Variants in DNAAF8 observed in about 807,000 individuals in gnomAD.
DNAAF8 encodes the protein dynein axonemal assembly factor 8, also known as dynein axonemal-associated protein 1.
A neutral mutation model predicts 54.6 loss-of-function variants in DNAAF8; 61 were observed. That is an observed-to-expected ratio of 1.12 (90% CI 0.91 to 1.38). The LOEUF (loss-of-function observed/expected upper bound fraction) is 1.38. Among genes scored for constraint, DNAAF8 ranks in the 40% most tolerant of loss-of-function variants. DNAAF8 has a pLI of 0.00. For synonymous variants in DNAAF8, 320 were observed against 270.1 expected, an observed-to-expected ratio of 1.18 and a Z score of -1.81; for missense variants, 837 against 665.0, an observed-to-expected ratio of 1.26 and a Z score of -2.85.
chr16:4,742,080 TA>T (rs1190852443), intron 4 of DNAAF8, among the ~76,000 whole-genome samples: 9 of 152,200 alleles, frequency 5.9e-5, no homozygotes, highest in Admixed American at 5.9e-4. Context: ...GGTCATATGA[TA>T]AACATGAATT....
In DNAAF8 at chr16:4,746,994, GA is replaced by G; in HGVS notation, c.1250del (p.Glu417GlyfsTer63). 6.5e-7 allele frequency: 1 copy of G among 1,542,880 alleles called. No homozygotes were observed. The highest frequency in any genetic ancestry group is 8.7e-7 in the Non-Finnish European group (1 of 1,148,902). ...AGAGATGGCAGCTCTGGGAGACGCA[GA>G]GGGGGCATCTCCTTCCTCCCTGGGG... ...EEEMAALGDA[E>X]GASPSSLGLR... is the part of the protein sequence containing the mutation. On this transcript the variant is annotated frameshift_variant, in exon 8 of 10. Coordinates refer to ENST00000299320, the MANE Select transcript of DNAAF8 (RefSeq NM_139170.3). LOFTEE classifies it high-confidence loss of function.
rs116008823 is a variant in DNAAF8 at position 4,746,416 on chromosome 16, C to T, written c.1085C>T (p.Pro362Leu). The T allele has an allele frequency of 1.3e-3, 2,099 of 1,613,366 alleles. 27 individuals are homozygous for T. In the African/African-American group the frequency reaches 0.025, roughly 19 times the overall value. ...CAGGGCTCCCAGGCTGGGCCAGGCCCGCAGCTGGCCCAGGGCATGAGGCTT... is the reference window on the plus strand; with the variant it reads ...CAGGGCTCCCAGGCTGGGCCAGGCCTGCAGCTGGCCCAGGGCATGAGGCTT... ...RKQGSQAGPG[P>L]QLAQGMRLNA... Residue 362 changes from proline (P) to leucine (L), a missense_variant, in exon 7 of 10, where the codon CCG becomes CTG. Physicochemically the swap from Pro to Leu is moderately conservative, Grantham distance 98 (BLOSUM62 -3). Transcript: ENST00000299320.
At chr16:4,747,154 C>T (rs1278547090) in intron 8 of DNAAF8, 129 bp downstream of exon 8, 27 of 1,200,250 alleles carry the variant, frequency 2.2e-5, no homozygotes, top group African/African-American at 1.4e-4. Context: ...GTGAGGGGGA[C>T]GGCACAGCTT....
chr16:4,745,018 C>T lies in DNAAF8; in HGVS notation c.1043+7C>T. ...AGGCAGATTCAGGAAGCAGGTGGGA[C>T]TTGTAGCCAGGCCCGGCTCCTGTGG... On this transcript the variant is annotated splice_region_variant and intron_variant, in intron 6 of 9. Coordinates refer to ENST00000299320, the MANE Select transcript of DNAAF8 (RefSeq NM_139170.3). 1.9e-6 allele frequency: 3 copies of T among 1,612,178 alleles called. No homozygotes were observed. The highest frequency in any genetic ancestry group is 2.5e-6 in the Non-Finnish European group (3 of 1,178,552).
At chr16:4,740,077 C>G in intron 3 of DNAAF8, 76 bp from the exon 4 acceptor site, 1 of 1,308,010 alleles carries the variant, frequency 7.6e-7, no homozygotes. Flanking sequence ...AAAAAAAGTA[C>G]ATATTTTTCT....
At position 4,746,592 on chromosome 16, in the gene DNAAF8, C is replaced by A. The variant is rs2082020284; in HGVS notation, c.1181+80C>A. Reference sequence around the variant, plus strand: ...TGACCGCACAGAGCCTCTGGTGGATCCTGATGGGGAGGAACAGGGACTTCA... The same window carrying A: ...TGACCGCACAGAGCCTCTGGTGGATACTGATGGGGAGGAACAGGGACTTCA... On this transcript the variant is annotated intron_variant, in intron 7 of 9. Transcript: ENST00000299320. 2.7e-6 allele frequency: 4 copies of A among 1,486,348 alleles called. No individual in the cohort carries two copies. In the East Asian group the frequency reaches 9.1e-5, roughly 34 times the overall value. 92.1% of individuals were successfully genotyped at this position (1,486,348 alleles called of 1,614,324 possible).
rs562586824 is a variant in DNAAF8, at chr16:4,746,685, G to A, written c.1181+173G>A. On this transcript the variant is annotated intron_variant, in intron 7 of 9. Transcript: ENST00000299320. ...GTCCCCCTGGGTCCCTGCAGGGAGG[G>A]AAGAGGGGCATGAGGCACACCTCCT... 2,932 of 971,302 alleles carry A rather than the reference G, an allele frequency of 3.0e-3. 7 individuals are homozygous for A. Among genetic ancestry groups the A allele is most frequent in the Non-Finnish European group, 4.1e-3 (2,757 of 675,898 alleles). 60.2% of individuals were successfully genotyped at this position (971,302 alleles called of 1,614,324 possible). A position where few individuals can be genotyped will look rare whatever the true frequency, so the allele number is the denominator to read the frequency against.
chr16:4,740,285 C>T lies in DNAAF8; in HGVS notation c.409C>T (p.Leu137Phe). The change falls in exon 4 of 10, where the codon CTT becomes TTT. Residue 137 changes from leucine (L) to phenylalanine (F), a missense_variant. Physicochemically the swap from Leu to Phe is conservative, Grantham distance 22. Transcript: ENST00000299320. ...FESSGEVSAL[L>F]GMAEEPPRWL... ...AAGCTCTGGTGAGGTCAGCGCTCTT[C>T]TTGGGATGGCCGAGGAGCCCCCCAG... is the stretch of plus-strand genomic sequence containing the variant. The T allele has an allele frequency of 6.2e-7, 1 of 1,614,020 alleles. No individual in the cohort carries two copies. The highest frequency in any genetic ancestry group is 8.5e-7 in the Non-Finnish European group (1 of 1,179,976).
chr16:4,737,955 G>A lies in DNAAF8; in HGVS notation c.276+9G>A. The A allele has an allele frequency of 6.2e-7, 1 of 1,613,668 alleles. No homozygotes were observed. Among genetic ancestry groups the A allele is most frequent in the Non-Finnish European group, 8.5e-7 (1 of 1,179,612 alleles). On this transcript the variant is annotated intron_variant, in intron 3 of 9. Coordinates refer to ENST00000299320, the MANE Select transcript of DNAAF8 (RefSeq NM_139170.3). The stretch of plus-strand genomic sequence containing the variant: ...AAGAGTCCCTTCCCGAGGTCTGTGG[G>A]ACACAGAAGAGTATACGCCTGTGTG...
At position 4,740,142 on chromosome 16, in the gene DNAAF8, T is replaced by C; in HGVS notation, c.277-11T>C. 1 of 1,585,634 alleles carries C rather than the reference T, an allele frequency of 6.3e-7. No homozygotes were observed. The highest frequency in any genetic ancestry group is 2.3e-5 in the East Asian group (1 of 44,390). ...GAGGATGCTAACTGAACATACCTGT[T>C]TTCTTGACAGCCAGTTCTGGTGCCT... is the stretch of plus-strand genomic sequence containing the variant. On this transcript the variant is annotated splice_polypyrimidine_tract_variant and intron_variant, in intron 3 of 9. Coordinates refer to ENST00000299320, the MANE Select transcript of DNAAF8 (RefSeq NM_139170.3).
chr16:4,742,390 A>T (rs1000044339), intron 4 of DNAAF8, among the ~76,000 whole-genome samples: 2 of 151,802 alleles, frequency 1.3e-5, no homozygotes, highest in Non-Finnish European at 2.9e-5. Context: ...CCCCATCTCT[A>T]CTAAAAACAC....
At chr16:4,748,003 T>C (rs2082039590) in intron 9 of DNAAF8, among the ~76,000 whole-genome samples, 1 of 152,092 alleles carries the variant, frequency 6.6e-6, no homozygotes, top group Non-Finnish European at 1.5e-5. Context: ...ATCAATAAGG[T>C]CTTTTTAAAA....
At chr16:4,738,176 C>T (rs1435517592) in intron 3 of DNAAF8, among the ~76,000 whole-genome samples, 9 of 152,088 alleles carry the variant, frequency 5.9e-5, no homozygotes, top group East Asian at 1.9e-4. Flanking sequence ...ATTTTCCATC[C>T]GATTTTGACC....
intron 2 of DNAAF8, among the ~76,000 whole-genome samples, chr16:4,737,162 G>A (rs940900699): frequency 6.6e-6 from 1 of 152,144 alleles, no homozygotes; most frequent in Non-Finnish European, 1.5e-5. Flanking sequence ...TCCTGGCGGG[G>A]GCTGCTCAGT....
chr16:4,745,124 A>AT (rs1414739854), intron 6 of DNAAF8, 113 bp downstream of exon 6: 2 of 1,345,920 alleles, frequency 1.5e-6, no homozygotes, highest in Non-Finnish European at 2.0e-6. Flanking sequence ...TTTCTCAGTC[A>AT]CTCTCAAGCA....
In DNAAF8 at chr16:4,747,255, C is replaced by T. The variant is rs1168361426; in HGVS notation, c.1281-88C>T. On this transcript the variant is annotated intron_variant, in intron 8 of 9. Coordinates refer to ENST00000299320, the MANE Select transcript of DNAAF8 (RefSeq NM_139170.3). ...TTCTTGCTCTGAAATGGGAGCTGGG[C>T]TCATCTGCTTTTCTCCTGTTTCAGT... 13 of 1,439,650 alleles carry T rather than the reference C, an allele frequency of 9.0e-6. No individual in the cohort carries two copies. In the African/African-American group the frequency reaches 1.9e-4, roughly 21 times the overall value. The allele number at this position is 1,439,650 out of a possible 1,614,324, so 89.2% of individuals were successfully genotyped here. A position where few individuals can be genotyped will look rare whatever the true frequency, so the allele number is the denominator to read the frequency against.
At chr16:4,739,265 G>GGTTTTTTTTTT (rs1555482695) in intron 3 of DNAAF8, among the ~76,000 whole-genome samples, 1,458 of 69,034 alleles carry the variant, frequency 0.021, 47 homozygotes, top group Non-Finnish European at 0.031. Context: ...ATTTTTTCTT[G>GGTTTTTTTTTT]TTTTTTTTTT....
At chr16:4,736,788 C>A in intron 2 of DNAAF8, 145 bp downstream of exon 2, 2 of 945,982 alleles carry the variant, frequency 2.1e-6, no homozygotes, top group Non-Finnish European at 2.9e-6. Flanking sequence ...AATCGCATGG[C>A]CAGACTCAAA....
chr16:4,744,115 T>G (rs1424977652), intron 5 of DNAAF8, among the ~76,000 whole-genome samples: 1 of 151,964 alleles, frequency 6.6e-6, no homozygotes, highest in Non-Finnish European at 1.5e-5. Context: ...GTATTTTTAG[T>G]AGAAACGGGA....
Sources: gnomAD v4.1 joint callset for allele counts (sites outside exome capture counted in the v4.1 genomes callset) on GRCh38, gnomAD v4.1.1 for gene constraint, MANE v1.5 for transcripts, NCBI Gene and HGNC (gene_info 2026-07-23, HGNC 2026-07-21) for gene names.